RERE: variants seen among roughly 807,000 people sequenced by gnomAD.
RERE encodes arginine-glutamic acid dipeptide repeats protein.
A neutral mutation model predicts 146.1 loss-of-function variants in RERE; 40 were observed. The observed-to-expected ratio is 0.27, with a 90% CI of 0.21 to 0.36. The LOEUF (loss-of-function observed/expected upper bound fraction) is 0.36. Among genes scored for constraint, RERE ranks in the 10% least tolerant of loss-of-function variants. The pLI is 1.00. For synonymous variants in RERE, 1,003 were observed against 866.0 expected, an observed-to-expected ratio of 1.16 and a Z score of -2.78; for missense variants, 1,933 against 2,138.7, an observed-to-expected ratio of 0.90 and a Z score of 1.90.
chr1:8,718,797 A>C (rs1420366349), intron 1 of RERE, among the ~76,000 whole-genome samples: 1 of 152,200 alleles, frequency 6.6e-6, no homozygotes, highest in African/African-American at 2.4e-5. Flanking sequence ...ATGCCCATCT[A>C]TACAATGTGG....
chr1:8,468,390 C>T (rs1036319730), intron 10 of RERE, among the ~76,000 whole-genome samples: 9 of 152,262 alleles, frequency 5.9e-5, no homozygotes, highest in Middle Eastern at 3.4e-3. Flanking sequence ...TTCTATAACA[C>T]AATGGGGGTT....
At chr1:8,541,431 C>T (rs760936824) in intron 6 of RERE, 113 bp from the exon 7 acceptor site, 8 of 610,334 alleles carry the variant, frequency 1.3e-5, no homozygotes, top group Middle Eastern at 5.1e-4. Context: ...CATGGAGAAT[C>T]GGCTACAAAC....
intron 12 of RERE, among the ~76,000 whole-genome samples, chr1:8,377,752 A>G (rs1194767391): frequency 6.6e-6 from 1 of 152,202 alleles, no homozygotes; most frequent in East Asian, 1.9e-4. Context: ...TACATCGGCA[A>G]TGTAACGTTT....
chr1:8,776,944 G>C (rs753199420), intron 1 of RERE, among the ~76,000 whole-genome samples: 7 of 151,844 alleles, frequency 4.6e-5, no homozygotes, highest in Non-Finnish European at 8.8e-5. Context: ...GCCCAGGCTG[G>C]TCTCGAACTC....
intron 12 of RERE, among the ~76,000 whole-genome samples, chr1:8,404,336 T>C (rs573935763): frequency 1.3e-5 from 2 of 152,064 alleles, no homozygotes; most frequent in Admixed American, 6.5e-5. Flanking sequence ...GAGAATGGCA[T>C]GAACCCAGGA....
At position 8,806,542 on chromosome 1, in the gene RERE, A is replaced by ATAC. The variant is rs1280851397; in HGVS notation, c.-145+10617_-145+10618insGTA. 3.9e-5 allele frequency among the ~76,000 whole-genome samples: 6 copies of ATAC among 151,988 alleles called. No homozygotes were observed. The East Asian group carries it at 1.2e-3, about 29-fold the overall frequency. ...TCAAAAAATAATAATAATAATAATA[A>ATAC]CTTCCTAAGTATGCCTTGGGGTCAA... On this transcript the variant is annotated intron_variant, in intron 1 of 22. Transcript: ENST00000400908.
At position 8,665,576 on chromosome 1, in the gene RERE, A is replaced by G. The variant is rs563964771; in HGVS notation, c.-144-9135T>C. Among the ~76,000 whole-genome samples, 5 of 152,358 alleles carry G rather than the reference A, an allele frequency of 3.3e-5. No individual in the cohort carries two copies. The South Asian group carries it at 1.0e-3, about 32-fold the overall frequency. ...CCATGAGTAGGATAAGGAGACGCAA[A>G]GAGAAGGCGAAAGACAGTCCAGGTG... On this transcript the variant is annotated intron_variant, in intron 1 of 22. Transcript: ENST00000400908.
chr1:8,723,233 T>C (rs1639896898), intron 1 of RERE, among the ~76,000 whole-genome samples: 1 of 152,136 alleles, frequency 6.6e-6, no homozygotes, highest in Non-Finnish European at 1.5e-5. Flanking sequence ...TCAGCAACAA[T>C]ATACCCTCAG....
chr1:8,762,555 G>T (rs1287195536), intron 1 of RERE, among the ~76,000 whole-genome samples: 3 of 151,876 alleles, frequency 2.0e-5, no homozygotes, highest in Non-Finnish European at 4.4e-5. Context: ...TATTTTATTT[G>T]AAGACAAAAA....
intron 4 of RERE, among the ~76,000 whole-genome samples, chr1:8,610,157 C>T (rs1030276612): frequency 6.6e-6 from 1 of 152,164 alleles, no homozygotes; most frequent in African/African-American, 2.4e-5. Context: ...AAGCAATCTA[C>T]TGATTAGCAT....
In RERE at chr1:8,675,495, C is replaced by CAAAAAAAAAA. The variant is rs56912804; in HGVS notation, c.-144-19064_-144-19055dup. ...GCAACGTCGCAAAACCCCATCTCTA[C>CAAAAAAAAAA]AAAAAAAAAAAAAAAAAAAAATACA... is the stretch of plus-strand genomic sequence containing the variant. On this transcript the variant is annotated intron_variant, in intron 1 of 22. Transcript: ENST00000400908. Among the ~76,000 whole-genome samples, 39 of 90,148 alleles carry CAAAAAAAAAA rather than the reference C, an allele frequency of 4.3e-4. 1 individual carries two copies. The highest frequency in any genetic ancestry group is 6.4e-4 in the East Asian group (2 of 3,138). The allele number at this position is 90,148 out of a possible 152,430, so 59.1% of individuals were successfully genotyped here.
intron 7 of RERE, among the ~76,000 whole-genome samples, chr1:8,521,652 T>C (rs1362921405): frequency 6.6e-6 from 1 of 152,176 alleles, no homozygotes; most frequent in Non-Finnish European, 1.5e-5. Flanking sequence ...GTAAGAAATA[T>C]TTATTTCCAG....
At chr1:8,725,718 G>A (rs1292341765) in intron 1 of RERE, among the ~76,000 whole-genome samples, 3 of 152,016 alleles carry the variant, frequency 2.0e-5, no homozygotes, top group Non-Finnish European at 2.9e-5. Flanking sequence ...CTTCAAAACA[G>A]TTCTTTCCAA....
At chr1:8,679,451 T>C (rs1429108003) in intron 1 of RERE, among the ~76,000 whole-genome samples, 1 of 152,224 alleles carries the variant, frequency 6.6e-6, no homozygotes, top group African/African-American at 2.4e-5. Flanking sequence ...ACAGGTTCCA[T>C]TATCTTACAC....
At chr1:8,676,715 G>C (rs989752087) in intron 1 of RERE, among the ~76,000 whole-genome samples, 11 of 152,154 alleles carry the variant, frequency 7.2e-5, no homozygotes, top group African/African-American at 2.7e-4. Flanking sequence ...GTGGTCCCCA[G>C]GGAGTTCCAA....
At chr1:8,505,441 G>A (rs536626841) in intron 8 of RERE, among the ~76,000 whole-genome samples, 18 of 152,230 alleles carry the variant, frequency 1.2e-4, no homozygotes, top group South Asian at 6.2e-4. Context: ...GGTTTGACTA[G>A]GATTTGATAC....
chr1:8,422,901 A>G, intron 11 of RERE, 94 bp from the exon 12 acceptor site: 1 of 938,578 alleles, frequency 1.1e-6, no homozygotes, highest in Non-Finnish European at 1.7e-6. Context: ...AATAACAACC[A>G]CAAAAAAAGT....
At chr1:8,363,738 G>A (rs1386005868) in intron 15 of RERE, 2 of 377,918 alleles carry the variant, frequency 5.3e-6, no homozygotes, top group East Asian at 1.0e-4. Context: ...AAATAGCAGA[G>A]ATTTGATACA....
intron 4 of RERE, among the ~76,000 whole-genome samples, chr1:8,559,892 G>C (rs936627356): frequency 4.6e-5 from 7 of 152,144 alleles, no homozygotes; most frequent in African/African-American, 7.2e-5. Flanking sequence ...CAAATCGCCA[G>C]GACATGGGAG....
Sources: allele counts gnomAD v4.1 joint callset (sites outside exome capture counted in the v4.1 genomes callset), GRCh38; gene constraint gnomAD v4.1.1; transcripts MANE v1.5; gene names NCBI Gene and HGNC (gene_info 2026-07-23, HGNC 2026-07-21).